Variants in EIF4B observed in about 807,000 individuals in gnomAD.
EIF4B encodes the protein eukaryotic translation initiation factor 4B.
In EIF4B, 8 loss-of-function variants were observed where a neutral mutation model predicts 79.3. The observed-to-expected ratio is 0.10, with a 90% CI of 0.06 to 0.18. The LOEUF is 0.18. Among genes scored for constraint, EIF4B ranks in the 10% least tolerant of loss-of-function variants. The probability of loss-of-function intolerance (pLI) is 1.00; values close to 1 mark genes in which losing one functional copy is unlikely to be tolerated. For synonymous variants in EIF4B, 238 were observed against 274.7 expected, an observed-to-expected ratio of 0.87 and a Z score of 1.32; for missense variants, 515 against 792.4, an observed-to-expected ratio of 0.65 and a Z score of 4.20.
In EIF4B at chr12:53,042,000, T is replaced by TC. The variant is rs1459579059; in HGVS notation, c.*1781dup. 1.3e-5 allele frequency: 2 copies of TC among 152,630 alleles called. No individual in the cohort carries two copies. Among genetic ancestry groups the TC allele is most frequent in the African/African-American group, 2.4e-5 (1 of 41,438 alleles). 9.5% of individuals were successfully genotyped at this position (152,630 alleles called of 1,614,324 possible). A position where few individuals can be genotyped will look rare whatever the true frequency, so the allele number is the denominator to read the frequency against. On this transcript the variant is annotated 3_prime_UTR_variant, in exon 15 of 15. Coordinates refer to ENST00000262056, the MANE Select transcript of EIF4B (RefSeq NM_001417.7). ...TTATATCCAAAACTGTTTTTCCCTC[T>TC]CCCCTACCTTGTCCCCCCTATTAAA...
chr12:53,010,982 G>GACC (rs1174897261), intron 1 of EIF4B, among the ~76,000 whole-genome samples: 1 of 152,142 alleles, frequency 6.6e-6, no homozygotes, highest in Non-Finnish European at 1.5e-5. Flanking sequence ...ATACAGTTTG[G>GACC]ACCGTGTGCA....
intron 8 of EIF4B, among the ~76,000 whole-genome samples, chr12:53,033,299 G>C (rs926090971): frequency 2.5e-4 from 37 of 150,280 alleles, no homozygotes; most frequent in Admixed American, 6.6e-5. Flanking sequence ...GATTACAGAC[G>C]TGAGCCACCA....
Position 53,015,978 on chromosome 12 carries a change from C to CAA in EIF4B, c.14-479_14-478dup, listed in dbSNP as rs11315385. On this transcript the variant is annotated intron_variant, in intron 1 of 14. Coordinates refer to ENST00000262056, the MANE Select transcript of EIF4B (RefSeq NM_001417.7). ...GGACAACAAGAGCAAGACTCTGTCTCAAAAAAAAAAAAAAAAAGACAGTTG... is the reference window on the plus strand; with the variant it reads ...GGACAACAAGAGCAAGACTCTGTCTCAAAAAAAAAAAAAAAAAAAGACAGTTG... 0.012 allele frequency among the ~76,000 whole-genome samples: 1,548 copies of CAA among 124,378 alleles called. 61 individuals carry two copies. In the East Asian group the frequency reaches 0.15, roughly 12 times the overall value. 81.6% of individuals were successfully genotyped at this position (124,378 alleles called of 152,430 possible). A position where few individuals can be genotyped will look rare whatever the true frequency, so the allele number is the denominator to read the frequency against.
At chr12:53,039,185 G>A in intron 12 of EIF4B, 53 bp from the exon 13 acceptor site, 2 of 1,280,918 alleles carry the variant, frequency 1.6e-6, no homozygotes, top group South Asian at 1.3e-5. Flanking sequence ...CTTAGGAGAG[G>A]GACATTGATA....
At chr12:53,032,275 C>G (rs1476532992) in intron 8 of EIF4B, among the ~76,000 whole-genome samples, 1 of 152,160 alleles carries the variant, frequency 6.6e-6, no homozygotes. Flanking sequence ...AGCCCCATCT[C>G]TACTAAAAAT....
rs750773785 is a variant in EIF4B at position 53,028,099 on chromosome 12, G to A, written c.890G>A (p.Arg297His). 9 of 1,614,004 alleles carry A rather than the reference G, an allele frequency of 5.6e-6. No individual in the cohort carries two copies. Among genetic ancestry groups the A allele is most frequent in the South Asian group, 4.4e-5 (4 of 91,056 alleles). Residue 297 changes from arginine (R) to histidine (H), a missense_variant, in exon 8 of 15, where the codon CGC becomes CAC. Around this residue, in one of 6 missense-constraint regions of EIF4B, gnomAD observed 187 missense variants for 256.5 expected, o/e 0.73. Transcript: ENST00000262056. ...GATGACTACAGAGGAGGCGGGGACC[G>A]CTATGAAGACCGATATGACAGACGG... ...RDDDYRGGGD[R>H]YEDRYDRRDD...
chr12:53,038,550 C>A, intron 12 of EIF4B, 139 bp downstream of exon 12: 4 of 649,806 alleles, frequency 6.2e-6, no homozygotes, highest in Non-Finnish European at 9.4e-6. Context: ...CGCAGGGGCT[C>A]ACACCTGTAA....
intron 14 of EIF4B, 151 bp from the exon 15 acceptor site, chr12:53,039,992 A>C: frequency 1.2e-6 from 1 of 852,574 alleles, no homozygotes; most frequent in Admixed American, 2.3e-5. Context: ...CCTCTTCCCT[A>C]GCTCCTCTCC....
At chr12:53,033,347 C>CT (rs1943482330) in intron 8 of EIF4B, among the ~76,000 whole-genome samples, 4 of 76,638 alleles carry the variant, frequency 5.2e-5, no homozygotes, top group East Asian at 4.9e-4. Context: ...TTTTTTTTTT[C>CT]TTTTTTTTAT....
intron 10 of EIF4B, among the ~76,000 whole-genome samples, chr12:53,036,387 C>T (rs1042804073): frequency 4.6e-5 from 7 of 152,062 alleles, no homozygotes; most frequent in African/African-American, 1.4e-4. Context: ...GCTGGGATTA[C>T]GGGCGTGAGC....
Position 53,034,083 on chromosome 12 carries a change from T to TGGGGGCATTACATCCCC in EIF4B, c.1208+50_1208+66dup. ...CATCTAGGAATCCGGTGGTTCGTAATGGGGGCATTACATCCCCAGGGGCAT... is the reference window on the plus strand; with the variant it reads ...CATCTAGGAATCCGGTGGTTCGTAATGGGGGCATTACATCCCCGGGGGCATTACATCCCCAGGGGCAT... On this transcript the variant is annotated intron_variant, in intron 9 of 14. Transcript: ENST00000262056. 13 of 1,541,140 alleles carry TGGGGGCATTACATCCCC rather than the reference T, an allele frequency of 8.4e-6. No individual in the cohort carries two copies. The South Asian group carries it at 1.4e-4, about 17-fold the overall frequency.
At chr12:53,039,923 C>A in intron 14 of EIF4B, 1 of 737,974 alleles carries the variant, frequency 1.4e-6, no homozygotes, top group Non-Finnish European at 2.2e-6. Context: ...TTGTTCTCAT[C>A]CCTTCTGCAA....
chr12:53,020,449 C>T (rs897859011), intron 4 of EIF4B, among the ~76,000 whole-genome samples: 1 of 152,094 alleles, frequency 6.6e-6, no homozygotes, highest in East Asian at 1.9e-4. Context: ...TATATTTGTT[C>T]ATTTAAGAGG....
intron 2 of EIF4B, among the ~76,000 whole-genome samples, chr12:53,017,514 A>T (rs1358822664): frequency 6.6e-6 from 1 of 152,172 alleles, no homozygotes; most frequent in African/African-American, 2.4e-5. Flanking sequence ...CATAAATCTC[A>T]TTACCATTGT....
At chr12:53,028,878 C>T (rs1432563246) in intron 8 of EIF4B, among the ~76,000 whole-genome samples, 4 of 152,002 alleles carry the variant, frequency 2.6e-5, no homozygotes, top group Admixed American at 2.6e-4. Context: ...GTAATCTCAG[C>T]ACTTTGGAAG....
chr12:53,009,664 T>C (rs1943029885), intron 1 of EIF4B, among the ~76,000 whole-genome samples: 1 of 152,212 alleles, frequency 6.6e-6, no homozygotes, highest in Non-Finnish European at 1.5e-5. Flanking sequence ...CACTGCTGAC[T>C]CTCACAGTGA....
chr12:53,006,547 C>T, intron 1 of EIF4B, 51 bp downstream of exon 1: 1 of 1,612,728 alleles, frequency 6.2e-7, no homozygotes, highest in Non-Finnish European at 8.5e-7. Context: ...AACCCCCCTC[C>T]GAGCGTGATC....
chr12:53,022,647 G>A lies in EIF4B; in HGVS notation c.667+20G>A, dbSNP rs756742310. The stretch of plus-strand genomic sequence containing the variant: ...GAGACAGTAAGTTTGTTTTTATGAA[G>A]TTAGCTTCCTCTGTGCTTTGGGAGG... On this transcript the variant is annotated intron_variant, in intron 6 of 14. Transcript: ENST00000262056. 3 of 1,611,318 alleles carry A rather than the reference G, an allele frequency of 1.9e-6. No individual in the cohort carries two copies. The South Asian group carries it at 3.3e-5, about 18-fold the overall frequency.
intron 8 of EIF4B, among the ~76,000 whole-genome samples, chr12:53,032,914 G>A (rs1235992246): frequency 5.3e-5 from 8 of 151,616 alleles, no homozygotes; most frequent in African/African-American, 1.9e-4. Flanking sequence ...CAGGTGATCC[G>A]CCCGCCTCAG....
Sources: allele counts gnomAD v4.1 joint callset (sites outside exome capture counted in the v4.1 genomes callset), GRCh38; gene constraint gnomAD v4.1.1; regional missense constraint gnomAD v4.1.1; transcripts MANE v1.5; gene names NCBI Gene and HGNC (gene_info 2026-07-23, HGNC 2026-07-21).